Variants in IFT74 observed in about 807,000 individuals in gnomAD.
IFT74 encodes the protein intraflagellar transport 74.
In IFT74, 92 loss-of-function variants were observed where a neutral mutation model predicts 96.7. The observed-to-expected ratio is 0.95, with a 90% CI of 0.80 to 1.13. IFT74 has a LOEUF of 1.13. IFT74 is among the 50% of genes most tolerant of loss of function. The pLI is 0.00. For missense variants in IFT74, 811 were observed against 698.2 expected, an observed-to-expected ratio of 1.16 and a Z score of -1.82; for synonymous variants, 223 against 213.2, an observed-to-expected ratio of 1.05 and a Z score of -0.40.
chr9:26,961,441 G>A (rs1826356074), intron 1 of IFT74, among the ~76,000 whole-genome samples: 1 of 152,024 alleles, frequency 6.6e-6, no homozygotes, highest in Non-Finnish European at 1.5e-5. Flanking sequence ...GTGACCCTGA[G>A]GAGCAAGAAA....
At chr9:27,055,842 T>TGATCAA in intron 17 of IFT74, 70 bp downstream of exon 17, 1 of 1,018,342 alleles carries the variant, frequency 9.8e-7, no homozygotes, top group Non-Finnish European at 1.4e-6. Flanking sequence ...GTAATATATT[T>TGATCAA]GTGGTTTATA....
intron 18 of IFT74, among the ~76,000 whole-genome samples, chr9:27,056,867 GA>G (rs1820185953): frequency 7.7e-6 from 1 of 129,388 alleles, no homozygotes; most frequent in South Asian, 3.1e-4. Context: ...TGGATAGATA[GA>G]TAGATAGATA....
At chr9:27,049,033 A>G (rs1354595386) in intron 16 of IFT74, among the ~76,000 whole-genome samples, 1 of 151,986 alleles carries the variant, frequency 6.6e-6, no homozygotes, top group East Asian at 1.9e-4. Context: ...CTGTGAGTTC[A>G]CGCAAGATCT....
chr9:26,984,147 C>A, intron 4 of IFT74, 110 bp from the exon 5 acceptor site: 1 of 857,418 alleles, frequency 1.2e-6, no homozygotes, highest in Non-Finnish European at 1.7e-6. Flanking sequence ...TAGTGAATTT[C>A]ACAAAACTAT....
intron 11 of IFT74, 68 bp downstream of exon 11, chr9:27,017,118 A>G: frequency 1.5e-6 from 2 of 1,294,158 alleles, no homozygotes; most frequent in Non-Finnish European, 2.1e-6. Context: ...TGTTTTTTTT[A>G]AAGGGATATT....
chr9:27,049,313 A>G (rs1478212637), intron 16 of IFT74, among the ~76,000 whole-genome samples: 1 of 152,192 alleles, frequency 6.6e-6, no homozygotes, highest in East Asian at 1.9e-4. Context: ...AAGATTCACA[A>G]CTGGATACCC....
intron 4 of IFT74, among the ~76,000 whole-genome samples, chr9:26,981,484 G>C (rs748145319): frequency 6.6e-6 from 1 of 150,610 alleles, no homozygotes; most frequent in Non-Finnish European, 1.5e-5. Context: ...GCATGATCTC[G>C]GTTGACTGCA....
rs1825819541 is a variant in IFT74, at chr9:26,948,448, A to ATTATTTTTTTTT, written c.-20+1304_-20+1305insATTTTTTTTTTT. Among the ~76,000 whole-genome samples, 301 of 59,176 alleles carry ATTATTTTTTTTT rather than the reference A, an allele frequency of 5.1e-3. 23 individuals are homozygous for ATTATTTTTTTTT. Among genetic ancestry groups the ATTATTTTTTTTT allele is most frequent in the Non-Finnish European group, 9.0e-3 (234 of 26,094 alleles). 38.8% of individuals were successfully genotyped at this position (59,176 alleles called of 152,430 possible). A position where few individuals can be genotyped will look rare whatever the true frequency, so the allele number is the denominator to read the frequency against. ...TGACAACCTGTGATGGCTTTCCATT[A>ATTATTTTTTTTT]TTTTTTTTTTTTTTTTTTTTTTTTT... On this transcript the variant is annotated intron_variant, in intron 1 of 19. Transcript: ENST00000433700.
At chr9:27,050,717 A>G (rs2131692381) in intron 16 of IFT74, among the ~76,000 whole-genome samples, 1 of 120,812 alleles carries the variant, frequency 8.3e-6, no homozygotes, top group East Asian at 2.8e-4. Flanking sequence ...GGGGGACATC[A>G]CACACCGGGG....
In IFT74 at chr9:27,062,877, A is replaced by C. The variant is rs1049322491; in HGVS notation, c.*141A>C. On this transcript the variant is annotated 3_prime_UTR_variant, in exon 20 of 20. Coordinates refer to ENST00000380062, the MANE Select transcript of IFT74 (RefSeq NM_025103.4). ...GTTATAATTTTTGTGGCCTCTTTTA[A>C]GAATGATATTTTAAAATAGTAAATA... 3 of 590,224 alleles carry C rather than the reference A, an allele frequency of 5.1e-6. No homozygotes were observed. In the African/African-American group the frequency reaches 6.0e-5, roughly 12 times the overall value. The allele number at this position is 590,224 out of a possible 1,614,324, so 36.6% of individuals were successfully genotyped here. A position where few individuals can be genotyped will look rare whatever the true frequency, so the allele number is the denominator to read the frequency against.
chr9:27,033,177 T>C (rs1830201106), intron 13 of IFT74, among the ~76,000 whole-genome samples: 2 of 152,194 alleles, frequency 1.3e-5, no homozygotes, highest in African/African-American at 2.4e-5. Flanking sequence ...CTGTATAATA[T>C]ACATTCTTCC....
chr9:26,979,222 T>G (rs1009423479), intron 3 of IFT74, among the ~76,000 whole-genome samples: 4 of 151,992 alleles, frequency 2.6e-5, no homozygotes, highest in African/African-American at 9.7e-5. Flanking sequence ...ATATTAAAAA[T>G]GAATTGATTA....
At chr9:26,951,475 T>A (rs1825927601), upstream of IFT74, among the ~76,000 whole-genome samples, 1 of 152,104 alleles carries the variant, frequency 6.6e-6, no homozygotes, top group African/African-American at 2.4e-5. Context: ...AAATAAAATA[T>A]TAAAATGCAT....
chr9:26,950,147 C>T (rs1302935296), intron 1 of IFT74, among the ~76,000 whole-genome samples: 1 of 152,038 alleles, frequency 6.6e-6, no homozygotes, highest in Non-Finnish European at 1.5e-5. Flanking sequence ...CTTGTCTCTA[C>T]TAAAAATACA....
chr9:27,058,097 T>G (rs2131708435), intron 18 of IFT74, among the ~76,000 whole-genome samples: 1 of 152,060 alleles, frequency 6.6e-6, no homozygotes, highest in Admixed American at 6.5e-5. Flanking sequence ...AGCCTTCTTT[T>G]TTTTTTTTTC....
intron 16 of IFT74, among the ~76,000 whole-genome samples, chr9:27,053,724 T>C (rs956894132): frequency 6.6e-6 from 1 of 152,250 alleles, no homozygotes; most frequent in African/African-American, 2.4e-5. Context: ...GAAAAATCAA[T>C]TTGTATGGTT....
At chr9:27,052,307 C>A (rs143915772) in intron 16 of IFT74, among the ~76,000 whole-genome samples, 1 of 152,014 alleles carries the variant, frequency 6.6e-6, no homozygotes, top group Non-Finnish European at 1.5e-5. Context: ...GTCACGAGTT[C>A]AAGAGCTGCC....
At chr9:26,972,732 G>A (rs1826932633) in intron 2 of IFT74, among the ~76,000 whole-genome samples, 1 of 152,110 alleles carries the variant, frequency 6.6e-6, no homozygotes, top group Non-Finnish European at 1.5e-5. Flanking sequence ...TTTGAGGCAG[G>A]GGTAAGGACA....
At chr9:26,980,395 T>C (rs1490015712) in intron 3 of IFT74, among the ~76,000 whole-genome samples, 176 bp from the exon 4 acceptor site, 1 of 152,218 alleles carries the variant, frequency 6.6e-6, no homozygotes, top group Non-Finnish European at 1.5e-5. Flanking sequence ...GCTTCCCTTA[T>C]GTTGTGATTC....
Sources: gnomAD v4.1 joint callset for allele counts (sites outside exome capture counted in the v4.1 genomes callset) on GRCh38, gnomAD v4.1.1 for gene constraint, MANE v1.5 for transcripts, NCBI Gene and HGNC (gene_info 2026-07-23, HGNC 2026-07-21) for gene names.